The following CHCHD5 variants were observed in gnomAD, a reference collection of about 807,000 sequenced individuals.
CHCHD5 encodes the protein coiled-coil-helix-coiled-coil-helix domain containing 5, also known as coiled-coil-helix-coiled-coil-helix domain-containing protein 5.
Under a neutral mutation model 16.0 loss-of-function variants are expected in CHCHD5, and 10 were observed. The ratio of observed to expected loss-of-function variants is 0.63; its 90% CI spans 0.39 to 1.06. CHCHD5 has a LOEUF of 1.06. Ranked by LOEUF, CHCHD5 falls within the 50% of genes least tolerant of loss-of-function variation. The pLI, the probability that CHCHD5 is intolerant of heterozygous loss-of-function variation, is 0.01. For synonymous variants in CHCHD5, 55 were observed against 56.3 expected, an observed-to-expected ratio of 0.98 and a Z score of 0.10; for missense variants, 163 against 153.4, an observed-to-expected ratio of 1.06 and a Z score of -0.33.
chr2:112,587,097 G>C (rs1174228660), intron 3 of CHCHD5: 1 of 154,410 alleles, frequency 6.5e-6, no homozygotes, highest in Non-Finnish European at 1.4e-5. Context: ...ACCCTCTCCT[G>C]GGGCCCTCTC....
At position 112,588,887 on chromosome 2, in the gene CHCHD5, T is replaced by C; in HGVS notation, c.331T>C (p.Ter111ArgextTer4). 1 of 1,611,126 alleles carries C rather than the reference T, an allele frequency of 6.2e-7. No homozygotes were observed. The change falls in exon 4 of 4, where the codon TGA becomes CGA. Residue 111 changes from the stop codon to arginine, a stop_lost. Transcript: ENST00000324913. Reference sequence around the variant, plus strand: ...ACAGGCACAGCCACTTCCTGCCTCCTGAGGACTCCTCTGACGGCAGGAAAA... The same window carrying C: ...ACAGGCACAGCCACTTCCTGCCTCCCGAGGACTCCTCTGACGGCAGGAAAA... ...TVEAQPLPAS[*>R]
intron 1 of CHCHD5, chr2:112,584,888 C>G (rs540526350): frequency 5.2e-6 from 3 of 579,504 alleles, no homozygotes; most frequent in Non-Finnish European, 9.3e-6. Context: ...TCCAGTCACT[C>G]TTCACCCAAT....
At position 112,588,672 on chromosome 2, in the gene CHCHD5, G is replaced by T; in HGVS notation, c.310-194G>T. On this transcript the variant is annotated intron_variant, in intron 3 of 3. Coordinates refer to ENST00000324913, the MANE Select transcript of CHCHD5 (RefSeq NM_032309.4). ...AGGTGCTCAGTAAATATAGCAGAAT[G>T]GCGCGTTCCCTGCCTCCCATGACAC... is the stretch of plus-strand genomic sequence containing the variant. 4 of 572,306 alleles carry T rather than the reference G, an allele frequency of 7.0e-6. No individual in the cohort carries two copies. In the East Asian group the frequency reaches 9.1e-5, roughly 13 times the overall value. 35.5% of individuals were successfully genotyped at this position (572,306 alleles called of 1,614,324 possible).
chr2:112,586,959 A>C, intron 3 of CHCHD5: 1 of 174,626 alleles, frequency 5.7e-6, no homozygotes. Flanking sequence ...AAAAGTCTAA[A>C]ATGACTCCTT....
Position 112,585,997 on chromosome 2 carries a change from CT to C in CHCHD5, c.27del (p.Arg10AlafsTer30). MQAALEVT[A>X]RYCGRELEQY... ...AGGCAGGCGGCCCTAGAGGTCACCG[CT>C]CGCTACTGTGGCCGGGAGCTGGAGC... On this transcript the variant is annotated frameshift_variant, in exon 2 of 4. Transcript: ENST00000324913. LOFTEE classifies it high-confidence loss of function. 1 of 1,614,244 alleles carries C rather than the reference CT, an allele frequency of 6.2e-7. No homozygotes were observed. Among genetic ancestry groups the C allele is most frequent in the Non-Finnish European group, 8.5e-7 (1 of 1,180,036 alleles).
At position 112,586,027 on chromosome 2, in the gene CHCHD5, A is replaced by G. The variant is rs1685203858; in HGVS notation, c.56A>G (p.Tyr19Cys). 1.2e-6 allele frequency: 2 copies of G among 1,614,242 alleles called. No homozygotes were observed. The highest frequency in any genetic ancestry group is 1.7e-5 in the Admixed American group (1 of 60,032). ...ARYCGRELEQYGQCVAAKPES... is the reference protein window; with the variant it reads ...ARYCGRELEQCGQCVAAKPES... ...TACTGTGGCCGGGAGCTGGAGCAGTATGGCCAGTGTGTGGCGGCCAAGCCG... is the reference window on the plus strand; with the variant it reads ...TACTGTGGCCGGGAGCTGGAGCAGTGTGGCCAGTGTGTGGCGGCCAAGCCG... Residue 19 changes from tyrosine to cysteine, a missense_variant, in exon 2 of 4, where the codon TAT (tyrosine) becomes TGT (cysteine). Physicochemically the swap from Tyr to Cys is radical, Grantham distance 194. Transcript: ENST00000324913.
intron 3 of CHCHD5, chr2:112,587,532 C>G (rs1200474873): frequency 6.6e-6 from 1 of 152,310 alleles, no homozygotes; most frequent in Non-Finnish European, 1.5e-5. Context: ...GAAAACCTCC[C>G]TGATGTCCCA....
At chr2:112,588,644 G>A (rs1472384287) in intron 3 of CHCHD5, 6 of 544,282 alleles carry the variant, frequency 1.1e-5, no homozygotes, top group Non-Finnish European at 2.0e-5. Flanking sequence ...CTGGGTACAC[G>A]GCAGGTGCTC....
In CHCHD5 at chr2:112,586,255, G is replaced by A; in HGVS notation, c.199G>A (p.Glu67Lys). ...ACAQPFEAFE[E>K]CLRQNEAAVG... ...TGCTCAGCCTTTTGAGGCCTTCGAG[G>A]AGTGTCTTCGACAGAACGAGGCAGC... Residue 67 changes from glutamate to lysine, a missense_variant, in exon 3 of 4, where the codon GAG becomes AAG. Glu to Lys is a moderately conservative substitution (Grantham distance 56, BLOSUM62 1). Transcript: ENST00000324913. 1 of 1,614,036 alleles carries A rather than the reference G, an allele frequency of 6.2e-7. No individual in the cohort carries two copies. The highest frequency in any genetic ancestry group is 1.7e-5 in the Admixed American group (1 of 60,026).
In CHCHD5 at chr2:112,588,936, C is replaced by G. The variant is rs771667091; in HGVS notation, c.*47C>G. 11 of 1,454,270 alleles carry G rather than the reference C, an allele frequency of 7.6e-6. No homozygotes were observed. Among genetic ancestry groups the G allele is most frequent in the South Asian group, 2.3e-5 (2 of 87,106 alleles). The allele number at this position is 1,454,270 out of a possible 1,614,324, so 90.1% of individuals were successfully genotyped here. On this transcript the variant is annotated 3_prime_UTR_variant, in exon 4 of 4. Coordinates refer to ENST00000324913, the MANE Select transcript of CHCHD5 (RefSeq NM_032309.4). ...AACTGGACATGAATGACTGCCCCCA[C>G]GCCCCTCCCCTGCAGAGTGGCCAGA...
In CHCHD5 at chr2:112,586,070, C is replaced by T. The variant is rs1685206733; in HGVS notation, c.99C>T (p.Asp33=). The change falls in exon 2 of 4, where the codon GAC becomes GAT. Residue 33 remains aspartate (D), a synonymous_variant. Coordinates refer to ENST00000324913, the MANE Select transcript of CHCHD5 (RefSeq NM_032309.4). ...VAAKPESWQR[D]CHYLKMSIAQ... is the part of the protein sequence containing the mutation. ...CCAAGCCGGAATCCTGGCAGCGGGA[C>T]TGTCACTACCTTAAGATGAGCATTG... 1 of 1,614,150 alleles carries T rather than the reference C, an allele frequency of 6.2e-7. No homozygotes were observed. The highest frequency in any genetic ancestry group is 1.3e-5 in the African/African-American group (1 of 75,034).
chr2:112,584,613 C>T lies in CHCHD5; in HGVS notation c.-35C>T, dbSNP rs201346436. ...CGATACCGGAAAAGGCGGGTCGTTC[C>T]CCCCGGACAGCCCTACGCCGGCAAA... is the stretch of plus-strand genomic sequence containing the variant. On this transcript the variant is annotated 5_prime_UTR_variant, in exon 1 of 4. Coordinates refer to ENST00000324913, the MANE Select transcript of CHCHD5 (RefSeq NM_032309.4). 23 of 1,612,004 alleles carry T rather than the reference C, an allele frequency of 1.4e-5. No individual in the cohort carries two copies. The African/African-American group carries it at 2.3e-4, about 16-fold the overall frequency.
In CHCHD5 at chr2:112,585,961, TCCTG is replaced by T; in HGVS notation, c.3-12_3-9del. The T allele has an allele frequency of 6.2e-7, 1 of 1,612,052 alleles. No homozygotes were observed. Among genetic ancestry groups the T allele is most frequent in the Non-Finnish European group, 8.5e-7 (1 of 1,178,586 alleles). On this transcript the variant is annotated splice_polypyrimidine_tract_variant and intron_variant, in intron 1 of 3. Coordinates refer to ENST00000324913, the MANE Select transcript of CHCHD5 (RefSeq NM_032309.4). ...ACTGCCTGGAATGATCCTCAGCCCA[TCCTG>T]TCCCACAGGCAGGCGGCCCTAGAGG...
intron 1 of CHCHD5, 22 bp from the exon 2 acceptor site, chr2:112,585,952 C>T (rs1357914945): frequency 6.2e-7 from 1 of 1,608,928 alleles, no homozygotes; most frequent in Non-Finnish European, 8.5e-7. Flanking sequence ...TGGAATGATC[C>T]TCAGCCCATC....
chr2:112,585,904 A>G (rs77410754), intron 1 of CHCHD5, 70 bp from the exon 2 acceptor site: 1 of 904,130 alleles, frequency 1.1e-6, no homozygotes, highest in Non-Finnish European at 1.5e-6. Flanking sequence ...TCTAAAAAAT[A>G]AAAAAAAAAA....
intron 1 of CHCHD5, 135 bp downstream of exon 1, chr2:112,584,784 C>T: frequency 1.8e-6 from 2 of 1,087,456 alleles, no homozygotes; most frequent in Middle Eastern, 2.0e-4. Context: ...CAGGATTCAG[C>T]GCCTTCGCTC....
In CHCHD5 at chr2:112,588,981, C is replaced by T. The variant is rs1685305643; in HGVS notation, c.*92C>T. ...GCCAGATGGAGTCCTGAGCCCTGGA[C>T]ATGGGCCCGGCTTTCCTGGATATCA... On this transcript the variant is annotated 3_prime_UTR_variant, in exon 4 of 4. Transcript: ENST00000324913. 2.2e-6 allele frequency: 2 copies of T among 920,978 alleles called. No homozygotes were observed. The highest frequency in any genetic ancestry group is 1.6e-5 in the African/African-American group (1 of 61,818). The allele number at this position is 920,978 out of a possible 1,614,324, so 57.1% of individuals were successfully genotyped here.
intron 1 of CHCHD5, 121 bp from the exon 2 acceptor site, chr2:112,585,853 G>C (rs950053735): frequency 1.8e-6 from 2 of 1,107,158 alleles, no homozygotes; most frequent in Non-Finnish European, 2.5e-6. Context: ...AGCTATGATC[G>C]TGCCACTGCA....
intron 1 of CHCHD5, among the ~76,000 whole-genome samples, chr2:112,585,115 C>T (rs879259586): frequency 1.3e-5 from 2 of 152,174 alleles, no homozygotes; most frequent in Admixed American, 6.5e-5. Context: ...CTGACCTTGC[C>T]CAGGATTCCC....
Sources: gnomAD v4.1 joint callset for allele counts (sites outside exome capture counted in the v4.1 genomes callset) on GRCh38, gnomAD v4.1.1 for gene constraint, MANE v1.5 for transcripts, NCBI Gene and HGNC (gene_info 2026-07-23, HGNC 2026-07-21) for gene names.